The following SLC43A2 variants were observed in gnomAD, a reference collection of about 807,000 sequenced individuals.
SLC43A2 encodes solute carrier family 43 member 2, also known as large neutral amino acids transporter small subunit 4.
Under a neutral mutation model 63.2 loss-of-function variants are expected in SLC43A2, and 38 were observed. That is an observed-to-expected ratio of 0.60 (90% CI 0.46 to 0.79). The LOEUF (loss-of-function observed/expected upper bound fraction) is 0.79, where lower values mean the gene tolerates loss of function less well. Among genes scored for constraint, SLC43A2 ranks in the 30% least tolerant of loss-of-function variants. The pLI is 0.00. For missense variants in SLC43A2, 644 were observed against 756.2 expected, an observed-to-expected ratio of 0.85 and a Z score of 1.74; for synonymous variants, 322 against 331.0, an observed-to-expected ratio of 0.97 and a Z score of 0.30.
chr17:1,613,557 A>G lies in SLC43A2; in HGVS notation c.425-286T>C, dbSNP rs191263178. On this transcript the variant is annotated intron_variant, in intron 4 of 13. Coordinates refer to ENST00000301335, the MANE Select transcript of SLC43A2 (RefSeq NM_152346.3). ...AACCTCTGACTCCCGGGTTCAAGTG[A>G]TCCTCCTGCCTCAGCCTCCCAAGTA... Among the ~76,000 whole-genome samples, 804 of 152,202 alleles carry G rather than the reference A, an allele frequency of 5.3e-3. 2 individuals are homozygous for G. Among genetic ancestry groups the G allele is most frequent in the Middle Eastern group, 0.01 (3 of 292 alleles).
chr17:1,600,152 A>ATATATATATATATATATATTTTTTTT (rs1216616243), intron 5 of SLC43A2, among the ~76,000 whole-genome samples: 1 of 60,272 alleles, frequency 1.7e-5, no homozygotes, highest in Non-Finnish European at 3.2e-5. Context: ...ATATATATAT[A>ATATATATATATATATATATTTTTTTT]TTTTTTTTTT....
intron 3 of SLC43A2, among the ~76,000 whole-genome samples, chr17:1,615,615 G>A (rs537679503): frequency 1.5e-4 from 23 of 149,970 alleles, no homozygotes; most frequent in Admixed American, 8.0e-4. Flanking sequence ...AGGCCGAGGC[G>A]GGCAGATCAC....
intron 5 of SLC43A2, among the ~76,000 whole-genome samples, chr17:1,600,978 A>C (rs540029912): frequency 6.6e-6 from 1 of 152,080 alleles, no homozygotes; most frequent in Non-Finnish European, 1.5e-5. Context: ...AAAAGATAAC[A>C]TCTGAATACA....
rs1448376284 is a variant in SLC43A2 at position 1,577,232 on chromosome 17, AC to A, written c.1425-513del. Among the ~76,000 whole-genome samples the A allele has an allele frequency of 6.6e-6, 1 of 151,978 alleles. No individual in the cohort carries two copies. Among genetic ancestry groups the A allele is most frequent in the Admixed American group, 6.6e-5 (1 of 15,258 alleles). On this transcript the variant is annotated intron_variant, in intron 12 of 13. Transcript: ENST00000301335. This position sits in a 1 kb window ranked among gnomAD's most constrained non-coding sequence, Gnocchi z 4.9. ...AGGCCCCAGACTCTGGGGAGGGCCC[AC>A]CCCACTCAGCTGTGCCCAGGGCCTG...
At chr17:1,614,792 G>T (rs531335159) in intron 4 of SLC43A2, among the ~76,000 whole-genome samples, 187 bp downstream of exon 4, 1 of 152,104 alleles carries the variant, frequency 6.6e-6, no homozygotes, top group Non-Finnish European at 1.5e-5. Flanking sequence ...CCTGTCTGGG[G>T]TGGCTGCTCT....
At position 1,613,289 on chromosome 17, in the gene SLC43A2, G is replaced by C; in HGVS notation, c.425-18C>G. The C allele has an allele frequency of 6.2e-7, 1 of 1,613,596 alleles. No individual in the cohort carries two copies. Among genetic ancestry groups the C allele is most frequent in the African/African-American group, 1.3e-5 (1 of 75,026 alleles). On this transcript the variant is annotated intron_variant, in intron 4 of 13. Transcript: ENST00000301335. ...GGAGAGAGCTGCAGGGACATGGAAA[G>C]CTCGTGAGTGGAGACCCCAGCTGAG...
At chr17:1,629,905 A>G (rs537328776), upstream of SLC43A2, among the ~76,000 whole-genome samples, 5 of 152,294 alleles carry the variant, frequency 3.3e-5, no homozygotes, top group Non-Finnish European at 7.4e-5. Context: ...TGACTGCCCC[A>G]GAATCGCCTT....
chr17:1,595,234 C>T (rs1905193584), intron 5 of SLC43A2, among the ~76,000 whole-genome samples: 1 of 151,458 alleles, frequency 6.6e-6, no homozygotes, highest in Admixed American at 6.6e-5. Flanking sequence ...TGAGCCGACA[C>T]TGCGCCACTG....
At chr17:1,586,359 G>A (rs1251980992) in intron 9 of SLC43A2, among the ~76,000 whole-genome samples, 1 of 152,146 alleles carries the variant, frequency 6.6e-6, no homozygotes, top group African/African-American at 2.4e-5. Context: ...GGGAACTCCT[G>A]TGACGGAGGC....
Position 1,591,278 on chromosome 17 carries a change from C to G in SLC43A2, c.922G>C (p.Asp308His). Residue 308 changes from aspartate to histidine, a missense_variant, in exon 8 of 14, where the codon GAT (aspartate) becomes CAT (histidine). Around this residue, in one of 3 missense-constraint regions of SLC43A2, gnomAD observed 528 missense variants for 623.6 expected, o/e 0.85. Coordinates refer to ENST00000301335, the MANE Select transcript of SLC43A2 (RefSeq NM_152346.3). ...GGTCTCAGGCGGGTACCTGCGGCAT[C>G]CGGCTGGCACTTCACCTCCAGGTCG... ...TVDLEVKCQPDAAVAPSFMHS... is the reference protein window; with the variant it reads ...TVDLEVKCQPHAAVAPSFMHS... 6.2e-7 allele frequency: 1 copy of G among 1,604,090 alleles called. No homozygotes were observed. Among genetic ancestry groups the G allele is most frequent in the Non-Finnish European group, 8.5e-7 (1 of 1,179,880 alleles).
At chr17:1,627,586 TG>T in intron 2 of SLC43A2, 128 bp downstream of exon 2, 1 of 911,938 alleles carries the variant, frequency 1.1e-6, no homozygotes, top group Non-Finnish European at 1.6e-6. Context: ...GAGGATCAGA[TG>T]GGCCTTCTGA....
intron 2 of SLC43A2, among the ~76,000 whole-genome samples, chr17:1,620,760 C>A (rs1227925282): frequency 6.6e-6 from 1 of 152,106 alleles, no homozygotes; most frequent in African/African-American, 2.4e-5. Context: ...AGCCCACATG[C>A]ACCCAGCAGA....
In SLC43A2 at chr17:1,577,559, T is replaced by C. The variant is rs75491634; in HGVS notation, c.1424+691A>G. ...GAGTTCCGGGCTAAATCTTAGCACATGTCAGGCTCTGCTGGCCCAGAGGTG... is the reference window on the plus strand; with the variant it reads ...GAGTTCCGGGCTAAATCTTAGCACACGTCAGGCTCTGCTGGCCCAGAGGTG... On this transcript the variant is annotated intron_variant, in intron 12 of 13. Transcript: ENST00000301335. This position sits in a 1 kb window ranked among gnomAD's most constrained non-coding sequence, Gnocchi z 4.9. 6.8e-4 allele frequency among the ~76,000 whole-genome samples: 103 copies of C among 152,298 alleles called. 3 individuals are homozygous for C. In the East Asian group the frequency reaches 0.018, roughly 26 times the overall value.
At chr17:1,587,003 G>C (rs776304045) in intron 9 of SLC43A2, 1 of 1,515,862 alleles carries the variant, frequency 6.6e-7, no homozygotes, top group Non-Finnish European at 8.8e-7. Context: ...AAGAAGAGAG[G>C]TTAGTGGCAG....
At chr17:1,591,206 G>A in intron 8 of SLC43A2, 63 bp downstream of exon 8, 2 of 1,571,558 alleles carry the variant, frequency 1.3e-6, no homozygotes, top group Non-Finnish European at 1.7e-6. Flanking sequence ...GGTGGGAATG[G>A]GGTGAGCCGA....
At position 1,593,090 on chromosome 17, in the gene SLC43A2, A is replaced by G. The variant is rs941503009; in HGVS notation, c.594+97T>C. The G allele has an allele frequency of 2.2e-5, 27 of 1,215,188 alleles. No homozygotes were observed. The highest frequency in any genetic ancestry group is 3.1e-5 in the Non-Finnish European group (26 of 844,400). 75.3% of individuals were successfully genotyped at this position (1,215,188 alleles called of 1,614,324 possible). A position where few individuals can be genotyped will look rare whatever the true frequency, so the allele number is the denominator to read the frequency against. On this transcript the variant is annotated intron_variant, in intron 6 of 13. Transcript: ENST00000301335. The surrounding 1 kb of genome is among the most constrained non-coding windows in gnomAD (Gnocchi z 5.3). ...CGGGTGGGGGTGGTGGAGAGGGGCC[A>G]CCCCGGGTGCCCACAATTGCCTCCC...
intron 5 of SLC43A2, chr17:1,604,526 C>A (rs560498975): frequency 1.5e-5 from 9 of 604,660 alleles, no homozygotes; most frequent in East Asian, 1.2e-4. Flanking sequence ...TCCCTCACCC[C>A]CCGGAGGTCA....
At chr17:1,609,224 A>G (rs944030225) in intron 5 of SLC43A2, among the ~76,000 whole-genome samples, 1 of 151,982 alleles carries the variant, frequency 6.6e-6, no homozygotes, top group African/African-American at 2.4e-5. Context: ...TTTTTTTGAG[A>G]CAGAATTTCA....
At chr17:1,581,502 C>G (rs967647181) in intron 11 of SLC43A2, among the ~76,000 whole-genome samples, 1 of 152,214 alleles carries the variant, frequency 6.6e-6, no homozygotes, top group African/African-American at 2.4e-5. Context: ...CAACAGTTCC[C>G]ACGGTGGGGC....
Sources: gnomAD v4.1 joint callset for allele counts (sites outside exome capture counted in the v4.1 genomes callset) on GRCh38, gnomAD v4.1.1 for gene constraint, gnomAD v4.1.1 regional missense constraint, Gnocchi (gnomAD v3.1) non-coding constraint, MANE v1.5 for transcripts, NCBI Gene and HGNC (gene_info 2026-07-23, HGNC 2026-07-21) for gene names.